RPH3A: variants seen among roughly 807,000 people sequenced by gnomAD.
RPH3A encodes rabphilin 3A.
A neutral mutation model predicts 102.2 loss-of-function variants in RPH3A; 48 were observed. The observed-to-expected ratio is 0.47, with a 90% CI of 0.37 to 0.60. The LOEUF (loss-of-function observed/expected upper bound fraction) is 0.60. Ranked by LOEUF, RPH3A falls within the 20% of genes least tolerant of loss-of-function variation. The probability of loss-of-function intolerance (pLI) is 0.00; values close to 1 mark genes in which losing one functional copy is unlikely to be tolerated. For missense variants in RPH3A, 781 were observed against 910.1 expected, an observed-to-expected ratio of 0.86 and a Z score of 1.83; for synonymous variants, 310 against 324.3, an observed-to-expected ratio of 0.96 and a Z score of 0.47.
At chr12:112,895,900 C>A in intron 21 of RPH3A, 27 bp downstream of exon 21, 1 of 1,508,556 alleles carries the variant, frequency 6.6e-7, no homozygotes. Flanking sequence ...CCAGAGAAAA[C>A]GCCCTCTTCT....
chr12:112,640,427 C>T (rs2039880866), intron 1 of RPH3A, among the ~76,000 whole-genome samples: 1 of 136,020 alleles, frequency 7.4e-6, no homozygotes, highest in Non-Finnish European at 1.5e-5. Flanking sequence ...TCTCTAATAA[C>T]TAGGGGCTTA....
At chr12:112,893,033 T>C (rs915869854) in intron 19 of RPH3A, 1 of 152,230 alleles carries the variant, frequency 6.6e-6, no homozygotes, top group African/African-American at 2.4e-5. Flanking sequence ...CAAGGGGTGC[T>C]GTCCAGCACT....
intron 1 of RPH3A, among the ~76,000 whole-genome samples, chr12:112,705,562 C>A (rs1387994128): frequency 6.6e-6 from 1 of 151,738 alleles, no homozygotes; most frequent in Non-Finnish European, 1.5e-5. Context: ...TAATTTAGAC[C>A]CATGGAAAAT....
chr12:112,861,763 C>T, intron 5 of RPH3A, among the ~76,000 whole-genome samples: 1 of 152,168 alleles, frequency 6.6e-6, no homozygotes, highest in East Asian at 1.9e-4. Flanking sequence ...CCTGTAATCC[C>T]AGCACTTTGG....
chr12:112,806,538 G>A (rs898803323), intron 2 of RPH3A, among the ~76,000 whole-genome samples: 10 of 152,082 alleles, frequency 6.6e-5, no homozygotes, highest in African/African-American at 2.4e-4. Context: ...AGGAGGCTGA[G>A]GCATTGCTTA....
At chr12:112,761,415 T>C (rs1326096936) in intron 1 of RPH3A, among the ~76,000 whole-genome samples, 1 of 152,226 alleles carries the variant, frequency 6.6e-6, no homozygotes, top group Non-Finnish European at 1.5e-5. Context: ...TCTCCAAAAA[T>C]GTAAAGCAAT....
intron 1 of RPH3A, among the ~76,000 whole-genome samples, chr12:112,612,819 G>A (rs2039649439): frequency 1.3e-5 from 2 of 151,644 alleles, no homozygotes; most frequent in South Asian, 4.2e-4. Flanking sequence ...CAAGCGATCT[G>A]CCTGCCTCAG....
intron 4 of RPH3A, among the ~76,000 whole-genome samples, chr12:112,841,168 T>A (rs1437391081): frequency 4.5e-5 from 2 of 44,128 alleles, no homozygotes; most frequent in Non-Finnish European, 8.6e-5. Flanking sequence ...CAAGACCTTG[T>A]TTCTTAAAAA....
At chr12:112,645,945 C>A (rs2039926893) in intron 1 of RPH3A, among the ~76,000 whole-genome samples, 1 of 152,122 alleles carries the variant, frequency 6.6e-6, no homozygotes, top group Non-Finnish European at 1.5e-5. Flanking sequence ...CTAGCTATGG[C>A]ACTCTGGTCG....
Position 112,699,976 on chromosome 12 carries a change from G to A in RPH3A, c.-139-92167G>A, listed in dbSNP as rs75967794. Reference sequence around the variant, plus strand: ...GGCACAGAAGAAGAGTTCAATAAATGTTTGTTAAATAACTGTTAGCCATGC... The same window carrying A: ...GGCACAGAAGAAGAGTTCAATAAATATTTGTTAAATAACTGTTAGCCATGC... On this transcript the variant is annotated intron_variant, in intron 1 of 21. Transcript: ENST00000543106. Among the ~76,000 whole-genome samples the A allele has an allele frequency of 7.6e-4, 115 of 152,042 alleles. 1 individual carries two copies. In the East Asian group the frequency reaches 0.019, roughly 25 times the overall value.
At chr12:112,612,563 T>C (rs1017982324) in intron 1 of RPH3A, among the ~76,000 whole-genome samples, 2 of 141,958 alleles carry the variant, frequency 1.4e-5, no homozygotes, top group Admixed American at 1.4e-4. Context: ...TTTTGCCTTT[T>C]TTTTTTTTTT....
rs377023105 is a variant in RPH3A at position 112,896,822 on chromosome 12, C to A, written c.*42C>A. On this transcript the variant is annotated 3_prime_UTR_variant, in exon 22 of 22. Transcript: ENST00000389385. Reference sequence around the variant, plus strand: ...CCATCTCCATGTCCCGGGTCCCCCCCAGCCTGCTCTAGCTGCCCACCGCAC... The same window carrying A: ...CCATCTCCATGTCCCGGGTCCCCCCAAGCCTGCTCTAGCTGCCCACCGCAC... 5.6e-6 allele frequency: 9 copies of A among 1,610,562 alleles called. No homozygotes were observed. Among genetic ancestry groups the A allele is most frequent in the Non-Finnish European group, 1.7e-6 (2 of 1,178,416 alleles).
At chr12:112,863,947 C>T (rs955901059) in intron 5 of RPH3A, among the ~76,000 whole-genome samples, 2 of 152,250 alleles carry the variant, frequency 1.3e-5, no homozygotes, top group Non-Finnish European at 2.9e-5. Flanking sequence ...ACTGGGCACA[C>T]AGCAGGGAAC....
At chr12:112,716,427 C>T (rs1021230831) in intron 1 of RPH3A, among the ~76,000 whole-genome samples, 1 of 152,212 alleles carries the variant, frequency 6.6e-6, no homozygotes, top group Non-Finnish European at 1.5e-5. Context: ...GGTTTGCCTG[C>T]TTTAACAGTG....
chr12:112,879,160 G>T lies in RPH3A; in HGVS notation c.1213G>T (p.Asp405Tyr). Reference protein sequence around the residue: ...ALEFSLLYDQDNSSLQCTIIK... With the variant: ...ALEFSLLYDQYNSSLQCTIIK... ...GGAATTCAGCCTTCTCTACGACCAG[G>T]ACAACAGCTCCCTGCAGTGCACCAT... The change falls in exon 14 of 22, where the codon GAC (aspartate) becomes TAC (tyrosine). Residue 405 changes from aspartate to tyrosine, a missense_variant. Coordinates refer to ENST00000389385, the MANE Select transcript of RPH3A (RefSeq NM_001143854.2). The T allele has an allele frequency of 1.9e-6, 3 of 1,614,100 alleles. No individual in the cohort carries two copies. Among genetic ancestry groups the T allele is most frequent in the Non-Finnish European group, 2.5e-6 (3 of 1,179,980 alleles).
intron 1 of RPH3A, among the ~76,000 whole-genome samples, chr12:112,652,438 C>T (rs1217100898): frequency 6.6e-6 from 1 of 152,122 alleles, no homozygotes; most frequent in African/African-American, 2.4e-5. Flanking sequence ...CCACTATATT[C>T]CAGCCTGGGT....
chr12:112,878,727 G>A (rs2042851864), intron 13 of RPH3A, among the ~76,000 whole-genome samples: 1 of 152,226 alleles, frequency 6.6e-6, no homozygotes, highest in Non-Finnish European at 1.5e-5. Context: ...TAGAGGGAGA[G>A]CATTCCAGGC....
At chr12:112,881,471 C>T (rs1359806238) in intron 14 of RPH3A, among the ~76,000 whole-genome samples, 1 of 152,206 alleles carries the variant, frequency 6.6e-6, no homozygotes, top group Admixed American at 6.5e-5. Flanking sequence ...AATCTCACCA[C>T]CTCATGAAGC....
chr12:112,710,946 T>C (rs1234770833), intron 1 of RPH3A, among the ~76,000 whole-genome samples: 1 of 152,204 alleles, frequency 6.6e-6, no homozygotes, highest in Non-Finnish European at 1.5e-5. Context: ...AATAAGTGAA[T>C]GAAACAATTC....
Sources: gnomAD v4.1 joint callset for allele counts (sites outside exome capture counted in the v4.1 genomes callset) on GRCh38, gnomAD v4.1.1 for gene constraint, MANE v1.5 for transcripts, NCBI Gene and HGNC (gene_info 2026-07-23, HGNC 2026-07-21) for gene names.